The following ANAPC4 variants were observed in gnomAD, a reference collection of about 807,000 sequenced individuals.
The protein encoded by ANAPC4 is anaphase promoting complex subunit 4.
In ANAPC4, 63 loss-of-function variants were observed where a neutral mutation model predicts 119.8. The ratio of observed to expected loss-of-function variants is 0.53; its 90% confidence interval spans 0.43 to 0.65. The LOEUF (loss-of-function observed/expected upper bound fraction) is 0.65. Ranked by LOEUF, ANAPC4 falls within the 30% of genes least tolerant of loss-of-function variation. ANAPC4 has a pLI of 0.00. For missense variants in ANAPC4, 716 were observed against 945.1 expected (o/e 0.76, Z 3.18); for synonymous variants, 283 against 318.6 (o/e 0.89, Z 1.19).
chr4:25,405,727 G>T lies in ANAPC4; in HGVS notation c.1317+108G>T, dbSNP rs1723216765. On this transcript the variant is annotated intron_variant, in intron 18 of 28. Transcript: ENST00000315368. This position sits in a 1 kb window ranked among gnomAD's most constrained non-coding sequence, Gnocchi z 4.6. ...CAGTTATTAGTTAACAGGATGTCAG[G>T]ATGTAGACGTTAGATCCCTTAAGCA... is the stretch of plus-strand genomic sequence containing the variant. 6 of 1,089,720 alleles carry T rather than the reference G, an allele frequency of 5.5e-6. No individual in the cohort carries two copies. The highest frequency in any genetic ancestry group is 8.2e-6 in the Non-Finnish European group (6 of 729,382). The allele number at this position is 1,089,720 out of a possible 1,614,324, so 67.5% of individuals were successfully genotyped here.
chr4:25,396,904 G>A lies in ANAPC4; in HGVS notation c.1214+5G>A, dbSNP rs1270375107. On this transcript the variant is annotated splice_donor_5th_base_variant and intron_variant, in intron 16 of 28. Coordinates refer to ENST00000315368, the MANE Select transcript of ANAPC4 (RefSeq NM_013367.3). ...CAAGGCAAATGAACTTCTTCAGTAA[G>A]TATTGGGAGTACCTGGAATCACTGA... The A allele has an allele frequency of 6.2e-7, 1 of 1,610,120 alleles. No individual in the cohort carries two copies. The highest frequency in any genetic ancestry group is 1.3e-5 in the African/African-American group (1 of 74,660).
chr4:25,414,352 C>A lies in ANAPC4; in HGVS notation c.1652C>A (p.Ala551Glu). Residue 551 changes from alanine to glutamate, a missense_variant, in exon 23 of 29, where the codon GCA (alanine) becomes GAA (glutamate). Around this residue, in one of 3 missense-constraint regions of ANAPC4, gnomAD observed 504 missense variants for 615.8 expected, o/e 0.82. Transcript: ENST00000315368. ...GTAATTGGAAAATCGATGAATCAAG[C>A]AATCTGTATTCCATTGTATAGAGAT... ...ADVIGKSMNQ[A>E]ICIPLYRDTR... 6.3e-7 allele frequency: 1 copy of A among 1,599,026 alleles called. No homozygotes were observed. The highest frequency in any genetic ancestry group is 2.2e-5 in the East Asian group (1 of 44,550).
At position 25,396,852 on chromosome 4, in the gene ANAPC4, T is replaced by C. The variant is rs746389485; in HGVS notation, c.1167T>C (p.Ala389=). Residue 389 remains alanine (A), a synonymous_variant, in exon 16 of 29, where the codon GCT becomes GCC. Transcript: ENST00000315368. The part of the protein sequence containing the change: ...LGLDAAGIEE[A]ITAVGSFILK... ...TTATTTATTTTTTCCCTTTAGAAGCTATAACTGCTGTGGGTTCTTTTATAC... is the reference window on the plus strand; with the variant it reads ...TTATTTATTTTTTCCCTTTAGAAGCCATAACTGCTGTGGGTTCTTTTATAC... The C allele has an allele frequency of 6.2e-7, 1 of 1,612,814 alleles. No homozygotes were observed. The highest frequency in any genetic ancestry group is 1.1e-5 in the South Asian group (1 of 90,784).
chr4:25,390,021 G>A (rs1722255830), intron 7 of ANAPC4, 115 bp from the exon 8 acceptor site: 2 of 634,456 alleles, frequency 3.2e-6, no homozygotes, highest in South Asian at 4.8e-5. Flanking sequence ...TCCCTCTGCA[G>A]GGGAGCTTTA....
intron 21 of ANAPC4, among the ~76,000 whole-genome samples, chr4:25,410,501 A>T (rs913844067): frequency 6.6e-6 from 1 of 152,178 alleles, no homozygotes; most frequent in Non-Finnish European, 1.5e-5. Flanking sequence ...TTCTATGGGT[A>T]GGTACTTGGT....
chr4:25,415,781 C>T (rs1272691746), intron 26 of ANAPC4: 4 of 359,908 alleles, frequency 1.1e-5, no homozygotes, highest in African/African-American at 8.4e-5. Context: ...CTCCTGAGCT[C>T]CCTGTTGACA....
At position 25,418,371 on chromosome 4, in the gene ANAPC4, C is replaced by T; in HGVS notation, c.2416C>T (p.Leu806=). The T allele has an allele frequency of 6.2e-7, 1 of 1,613,956 alleles. No individual in the cohort carries two copies. The highest frequency in any genetic ancestry group is 8.5e-7 in the Non-Finnish European group (1 of 1,179,912). ...VIKVEKLDPE[L]DS ...TAAAGTGGAAAAACTTGACCCTGAG[C>T]TAGACTCCTAATCTAGCTTGCCATT... The change falls in exon 29 of 29, where the codon CTA becomes TTA. Residue 806 remains leucine, a synonymous_variant. Coordinates refer to ENST00000315368, the MANE Select transcript of ANAPC4 (RefSeq NM_013367.3).
chr4:25,381,361 T>TTGG (rs1721710322), intron 3 of ANAPC4, among the ~76,000 whole-genome samples: 1 of 152,126 alleles, frequency 6.6e-6, no homozygotes, highest in African/African-American at 2.4e-5. Flanking sequence ...TGGTGCAATC[T>TTGG]CGGCTCACTG....
intron 4 of ANAPC4, among the ~76,000 whole-genome samples, chr4:25,386,208 T>A (rs893055125): frequency 1.9e-4 from 29 of 151,968 alleles, no homozygotes; most frequent in African/African-American, 6.5e-4. Context: ...CCTCAGCGCC[T>A]GGCCTTATTT....
In ANAPC4 at chr4:25,394,713, G is replaced by T; in HGVS notation, c.984G>T (p.Lys328Asn). The T allele has an allele frequency of 6.2e-7, 1 of 1,604,240 alleles. No homozygotes were observed. Among genetic ancestry groups the T allele is most frequent in the Non-Finnish European group, 8.5e-7 (1 of 1,177,284 alleles). Residue 328 changes from lysine (K) to asparagine (N), a missense_variant and splice_region_variant, in exon 13 of 29, where the codon AAG becomes AAT. This residue lies in a region of ANAPC4 where 504 missense variants were observed against 615.8 expected (regional missense o/e 0.82). Transcript: ENST00000315368. ...QTLLMNQLTV[K>N]GLKKLGQSIE... ...TCTTGATGAATCAGTTAACAGTAAA[G>T]GTGCAGTTAATGTATCTATGTATTC...
chr4:25,396,576 T>G, intron 14 of ANAPC4, 88 bp from the exon 15 acceptor site: 1 of 982,974 alleles, frequency 1.0e-6, no homozygotes. Context: ...ACTTTCAGTT[T>G]TTATTTCTGA....
chr4:25,382,446 A>G (rs1242224926), intron 3 of ANAPC4, among the ~76,000 whole-genome samples: 3 of 152,250 alleles, frequency 2.0e-5, no homozygotes, highest in Non-Finnish European at 4.4e-5. Context: ...TTTTATAAGT[A>G]AAGTTATGAG....
chr4:25,377,662 G>C (rs1421817008), intron 2 of ANAPC4, 106 bp downstream of exon 2: 3 of 1,471,584 alleles, frequency 2.0e-6, no homozygotes, highest in Non-Finnish European at 2.7e-6. Context: ...CGGAGCCTCA[G>C]TTTCCCCTTC....
chr4:25,387,492 G>A (rs1428157412), intron 4 of ANAPC4, among the ~76,000 whole-genome samples: 3 of 152,138 alleles, frequency 2.0e-5, no homozygotes, highest in East Asian at 3.9e-4. Context: ...ATTACAAATC[G>A]TTATGTGAAT....
intron 16 of ANAPC4, among the ~76,000 whole-genome samples, chr4:25,400,077 G>A (rs1303093707): frequency 1.3e-5 from 2 of 152,214 alleles, no homozygotes; most frequent in Non-Finnish European, 2.9e-5. Context: ...GAGCTGGTAC[G>A]ATACAGAATA....
In ANAPC4 at chr4:25,390,985, C is replaced by G. The variant is rs918504855; in HGVS notation, c.675C>G (p.Thr225=). The G allele has an allele frequency of 4.3e-6, 7 of 1,613,288 alleles. No individual in the cohort carries two copies. In the Admixed American group the frequency reaches 1.2e-4, roughly 27 times the overall value. Residue 225 remains threonine, a synonymous_variant, in exon 9 of 29, where the codon ACC becomes ACG. Transcript: ENST00000315368. ...KSLSVVTEVS[T]NGASEVSYFQ... ...TATCAGTGGTCACAGAAGTCTCTAC[C>G]AATGGTGCTTCAGAAGTTTCATACT...
intron 21 of ANAPC4, among the ~76,000 whole-genome samples, chr4:25,411,835 G>T (rs1160235224): frequency 6.6e-6 from 1 of 152,176 alleles, no homozygotes; most frequent in South Asian, 2.1e-4. Context: ...CAAAATGAGA[G>T]AAATTTTTTT....
intron 3 of ANAPC4, among the ~76,000 whole-genome samples, chr4:25,382,102 G>A (rs1470303787): frequency 7.6e-6 from 1 of 131,430 alleles, no homozygotes; most frequent in East Asian, 2.1e-4. Context: ...CCATTTTGTT[G>A]TATAGCTTTT....
intron 25 of ANAPC4, 33 bp downstream of exon 25, chr4:25,414,733 A>G (rs756672852): frequency 4.2e-6 from 6 of 1,439,992 alleles, no homozygotes; most frequent in African/African-American, 1.4e-5. Context: ...AATCAAAGAG[A>G]TAAGATTTTA....
Sources: gnomAD v4.1 joint callset for allele counts (sites outside exome capture counted in the v4.1 genomes callset) on GRCh38, gnomAD v4.1.1 for gene constraint, gnomAD v4.1.1 regional missense constraint, Gnocchi (gnomAD v3.1) non-coding constraint, MANE v1.5 for transcripts, NCBI Gene and HGNC (gene_info 2026-07-23, HGNC 2026-07-21) for gene names.